The following CTNNA3 variants were observed in gnomAD, a reference collection of about 807,000 sequenced individuals.
CTNNA3 encodes the protein catenin alpha-3.
In CTNNA3, 76 loss-of-function variants were observed where a neutral mutation model predicts 95.7. The ratio of observed to expected loss-of-function variants is 0.79; its 90% CI spans 0.66 to 0.96. The LOEUF is 0.96. Among genes scored for constraint, CTNNA3 ranks in the 40% least tolerant of loss-of-function variants. The pLI, the probability that CTNNA3 is intolerant of heterozygous loss-of-function variation, is 0.00. For synonymous variants in CTNNA3, 431 were observed against 374.4 expected, an observed-to-expected ratio of 1.15 and a Z score of -1.74; for missense variants, 1,191 against 1,089.8, an observed-to-expected ratio of 1.09 and a Z score of -1.31.
chr10:66,132,686 A>T (rs1564681837), intron 13 of CTNNA3, among the ~76,000 whole-genome samples: 2 of 152,232 alleles, frequency 1.3e-5, no homozygotes, highest in African/African-American at 2.4e-5. Flanking sequence ...AAGAAAATGC[A>T]GTACATATAC....
In CTNNA3 at chr10:66,069,370, G is replaced by C. The variant is rs142942346; in HGVS notation, c.2097C>G (p.Asn699Lys). The C allele has an allele frequency of 5.0e-6, 8 of 1,613,400 alleles. No homozygotes were observed. The highest frequency in any genetic ancestry group is 1.6e-4 in the Middle Eastern group (1 of 6,074). Reference sequence around the variant, plus strand: ...TGTTCTTGGCCAGAACAATGATGTCGTTGCTTGTATCATCCCATATCTCAA... The same window carrying C: ...TGTTCTTGGCCAGAACAATGATGTCCTTGCTTGTATCATCCCATATCTCAA... ...AEIEIWDDTS[N>K]DIIVLAKNMC... Residue 699 changes from asparagine (N) to lysine (K), a missense_variant, in exon 15 of 18, where the codon AAC (asparagine) becomes AAG (lysine). Coordinates refer to ENST00000433211, the MANE Select transcript of CTNNA3 (RefSeq NM_013266.4).
intron 12 of CTNNA3, among the ~76,000 whole-genome samples, chr10:66,362,156 G>A (rs1334118275): frequency 2.2e-5 from 3 of 137,894 alleles, no homozygotes; most frequent in African/African-American, 8.2e-5. Flanking sequence ...AGGCTGGAGT[G>A]CAGTTGTGCG....
At chr10:66,165,481 T>G (rs1406667561) in intron 13 of CTNNA3, among the ~76,000 whole-genome samples, 1 of 152,118 alleles carries the variant, frequency 6.6e-6, no homozygotes, top group African/African-American at 2.4e-5. Flanking sequence ...AAATAAAAGC[T>G]GAAATTATAA....
At chr10:67,487,021 C>T (rs1286984310) in intron 5 of CTNNA3, among the ~76,000 whole-genome samples, 1 of 152,122 alleles carries the variant, frequency 6.6e-6, no homozygotes, top group African/African-American at 2.4e-5. Flanking sequence ...CAAATGATTA[C>T]CTGGCACCCC....
In CTNNA3 at chr10:67,647,436, T is replaced by C. The variant is rs1250437620; in HGVS notation, c.78A>G (p.Leu26=). ...ATACCTGGATTATGAGAGGCTCCAGTAGCTTCTCCACGGTGAATGTTTGGA... is the reference window on the plus strand; with the variant it reads ...ATACCTGGATTATGAGAGGCTCCAGCAGCTTCTCCACGGTGAATGTTTGGA... The part of the protein sequence containing the change: ...LQVQTFTVEK[L]LEPLIIQVTT... The change falls in exon 2 of 18, where the codon CTA becomes CTG. Residue 26 remains leucine (L), a synonymous_variant. Coordinates refer to ENST00000433211, the MANE Select transcript of CTNNA3 (RefSeq NM_013266.4). 9 of 1,612,936 alleles carry C rather than the reference T, an allele frequency of 5.6e-6. No individual in the cohort carries two copies. The highest frequency in any genetic ancestry group is 1.1e-5 in the South Asian group (1 of 91,012).
chr10:67,476,234 G>T (rs1716764491), intron 5 of CTNNA3, among the ~76,000 whole-genome samples: 1 of 152,072 alleles, frequency 6.6e-6, no homozygotes, highest in African/African-American at 2.4e-5. Flanking sequence ...CCGTGGTACA[G>T]CGCAGAAACC....
intron 6 of CTNNA3, among the ~76,000 whole-genome samples, chr10:67,194,211 C>A (rs188073665): frequency 6.6e-6 from 1 of 152,100 alleles, no homozygotes; most frequent in Admixed American, 6.6e-5. Flanking sequence ...AATTGCACTT[C>A]TTGGTATTTG....
At chr10:66,851,901 A>C (rs1843512665) in intron 7 of CTNNA3, among the ~76,000 whole-genome samples, 2 of 152,228 alleles carry the variant, frequency 1.3e-5, no homozygotes, top group African/African-American at 2.4e-5. Context: ...ACATTTACTG[A>C]CTGCTCAAGT....
At chr10:66,523,569 G>A (rs1412136282) in intron 10 of CTNNA3, among the ~76,000 whole-genome samples, 3 of 151,776 alleles carry the variant, frequency 2.0e-5, no homozygotes, top group East Asian at 1.9e-4. Flanking sequence ...TCTTCTTCAC[G>A]TAAAACTAAA....
intron 15 of CTNNA3, among the ~76,000 whole-genome samples, chr10:66,022,153 C>T (rs2133428522): frequency 6.6e-6 from 1 of 152,148 alleles, no homozygotes; most frequent in Non-Finnish European, 1.5e-5. Flanking sequence ...CCACCATGCC[C>T]AGCCTCGAAG....
chr10:67,713,583 A>G (rs1349522546), intron 1 of CTNNA3, among the ~76,000 whole-genome samples: 1 of 152,218 alleles, frequency 6.6e-6, no homozygotes, highest in East Asian at 1.9e-4. Context: ...GCACATATAC[A>G]CCATGGAATA....
chr10:66,800,522 T>C (rs1564691653), intron 7 of CTNNA3, among the ~76,000 whole-genome samples: 1 of 150,932 alleles, frequency 6.6e-6, no homozygotes, highest in Non-Finnish European at 1.5e-5. Context: ...CACTTATCTA[T>C]GAAAAAAATA....
At chr10:67,163,392 G>T (rs1861630266) in intron 7 of CTNNA3, among the ~76,000 whole-genome samples, 1 of 151,880 alleles carries the variant, frequency 6.6e-6, no homozygotes. Flanking sequence ...ATGCAGAAAA[G>T]GCATTTATCT....
At chr10:67,559,181 C>A (rs565589091) in intron 3 of CTNNA3, among the ~76,000 whole-genome samples, 2 of 152,350 alleles carry the variant, frequency 1.3e-5, no homozygotes, top group South Asian at 4.1e-4. Flanking sequence ...AGGCAGACTG[C>A]CTCCTCAAGT....
chr10:67,577,288 A>G lies in CTNNA3; in HGVS notation c.292+29569T>C, dbSNP rs536742442. Among the ~76,000 whole-genome samples the G allele has an allele frequency of 2.0e-5, 3 of 151,928 alleles. No individual in the cohort carries two copies. The East Asian group carries it at 5.9e-4, about 30-fold the overall frequency. The stretch of plus-strand genomic sequence containing the variant: ...GTATCTCATTGTGGTTTTGATTTGC[A>G]TTTCTCTGATGGCCAGTGTTTTGGC... On this transcript the variant is annotated intron_variant, in intron 3 of 17. Transcript: ENST00000433211.
At chr10:66,643,255 T>C (rs1287383689) in intron 9 of CTNNA3, among the ~76,000 whole-genome samples, 1 of 152,138 alleles carries the variant, frequency 6.6e-6, no homozygotes, top group East Asian at 1.9e-4. Context: ...AAGTAGAAAA[T>C]ATTTTCTTAT....
At chr10:67,376,054 C>T (rs1455761371) in intron 5 of CTNNA3, among the ~76,000 whole-genome samples, 2 of 152,152 alleles carry the variant, frequency 1.3e-5, no homozygotes, top group East Asian at 3.9e-4. Context: ...CACCAGCTGC[C>T]AAATATACCA....
chr10:66,947,531 ACT>A (rs1266341635), intron 7 of CTNNA3, among the ~76,000 whole-genome samples: 6 of 151,972 alleles, frequency 3.9e-5, no homozygotes, highest in Non-Finnish European at 8.8e-5. Context: ...ACCCTCTCTC[ACT>A]CTGTCTCCCT....
At chr10:66,017,357 G>A (rs991224770) in intron 15 of CTNNA3, among the ~76,000 whole-genome samples, 1 of 152,034 alleles carries the variant, frequency 6.6e-6, no homozygotes, top group Non-Finnish European at 1.5e-5. Context: ...CACACCACCT[G>A]ATGGACAGGT....
Sources: allele counts gnomAD v4.1 joint callset (sites outside exome capture counted in the v4.1 genomes callset), GRCh38; gene constraint gnomAD v4.1.1; transcripts MANE v1.5; gene names NCBI Gene and HGNC (gene_info 2026-07-23, HGNC 2026-07-21).